The following SH3KBP1 variants were observed in gnomAD, a reference collection of about 807,000 sequenced individuals.
The protein encoded by SH3KBP1 is SH3 domain-containing kinase-binding protein 1.
A neutral mutation model predicts 50.1 loss-of-function variants in SH3KBP1; 8 were observed. The observed-to-expected ratio is 0.16, with a 90% CI of 0.09 to 0.29. SH3KBP1 has a LOEUF of 0.29. SH3KBP1 is among the 10% of genes least tolerant of loss of function. The pLI is 1.00. For synonymous variants in SH3KBP1, 227 were observed against 218.6 expected (o/e 1.04, Z -0.34); for missense variants, 377 against 535.2 (o/e 0.70, Z 2.92).
intron 2 of SH3KBP1, among the ~76,000 whole-genome samples, chrX:19,804,882 A>G (rs936776872): frequency 5.8e-5 from 1 of 17,380 alleles, no homozygotes; most frequent in African/African-American, 2.6e-4. Flanking sequence ...CCCAAACCCT[A>G]CCCCCCCCCC....
chrX:19,795,137 A>G (rs1031979157), intron 2 of SH3KBP1, among the ~76,000 whole-genome samples: 8 of 111,806 alleles, frequency 7.2e-5, no homozygotes, highest in Non-Finnish European at 1.5e-4. Context: ...CCCCATTATG[A>G]TGAATTACAT....
At chrX:19,590,809 A>ATTTT (rs34366083) in intron 11 of SH3KBP1, among the ~76,000 whole-genome samples, 14 of 23,764 alleles carry the variant, frequency 5.9e-4, no homozygotes, top group Non-Finnish European at 9.7e-4. Flanking sequence ...AGGCCTGGCT[A>ATTTT]TTTTTTTTTT....
At chrX:19,877,131 T>G (rs2069277941) in intron 1 of SH3KBP1, among the ~76,000 whole-genome samples, 1 of 112,327 alleles carries the variant, frequency 8.9e-6, no homozygotes, top group South Asian at 3.7e-4. Context: ...ACACCTCTCT[T>G]TGCCATCTAA....
chrX:19,835,042 A>C (rs1487167379), intron 2 of SH3KBP1, among the ~76,000 whole-genome samples: 1 of 110,284 alleles, frequency 9.1e-6, no homozygotes, highest in Non-Finnish European at 1.9e-5. Flanking sequence ...CTGTCTCAAA[A>C]AAAAAAAAAA....
rs768156438 is a variant in SH3KBP1 at position 19,700,073 on chromosome X, G to A, written c.391-4332C>T. Among the ~76,000 whole-genome samples the A allele has an allele frequency of 2.7e-5, 3 of 111,521 alleles. No individual in the cohort carries two copies. In the South Asian group the frequency reaches 1.1e-3, roughly 42 times the overall value. ...ACCCCAGTCAGAAGCACACTGGAGG[G>A]GTGGGTTTGAGGGAAGCCTGGGGTT... On this transcript the variant is annotated intron_variant, in intron 4 of 17. Transcript: ENST00000397821.
chrX:19,716,191 T>A (rs2063904231), intron 3 of SH3KBP1, among the ~76,000 whole-genome samples: 1 of 112,032 alleles, frequency 8.9e-6, no homozygotes, highest in Non-Finnish European at 1.9e-5. Flanking sequence ...CTGGAAACAT[T>A]TCCACTCGTC....
chrX:19,778,460 A>G (rs779821651), intron 2 of SH3KBP1, among the ~76,000 whole-genome samples: 1 of 108,585 alleles, frequency 9.2e-6, no homozygotes, highest in Admixed American at 9.9e-5. Context: ...AAAGAAAAAA[A>G]GGGGAAAATT....
chrX:19,589,762 T>C (rs1163924302), intron 11 of SH3KBP1, among the ~76,000 whole-genome samples: 1 of 109,456 alleles, frequency 9.1e-6, no homozygotes, highest in Non-Finnish European at 1.9e-5. Flanking sequence ...GGACACCTTC[T>C]ACTTGCAAAC....
At chrX:19,646,739 A>T (rs1341187238) in intron 6 of SH3KBP1, among the ~76,000 whole-genome samples, 1 of 112,957 alleles carries the variant, frequency 8.9e-6, no homozygotes, top group Non-Finnish European at 1.9e-5. Flanking sequence ...TCACAGAAAG[A>T]GGATAAGATA....
chrX:19,752,974 T>C (rs996049405), intron 2 of SH3KBP1, among the ~76,000 whole-genome samples: 22 of 111,763 alleles, frequency 2.0e-4, no homozygotes, highest in Non-Finnish European at 1.1e-4. Context: ...TGAATGGATC[T>C]GTTCCCAAGA....
chrX:19,856,616 G>A (rs913386612), intron 1 of SH3KBP1, among the ~76,000 whole-genome samples: 1 of 111,066 alleles, frequency 9.0e-6, no homozygotes, highest in East Asian at 2.8e-4. Context: ...AGCTGTAAAG[G>A]TCTCTTATGG....
chrX:19,692,624 CGT>C (rs534431997), intron 5 of SH3KBP1, among the ~76,000 whole-genome samples: 12,440 of 68,528 alleles, frequency 0.18, 925 homozygotes, highest in Middle Eastern at 0.31. Context: ...TATATACATA[CGT>C]GTGTGTGTGT....
chrX:19,849,518 G>A (rs1447000161), intron 1 of SH3KBP1, among the ~76,000 whole-genome samples: 1 of 109,121 alleles, frequency 9.2e-6, no homozygotes, highest in Non-Finnish European at 1.9e-5. Context: ...GTAAAACCCC[G>A]TCTCCGCAAA....
At chrX:19,859,239 C>G (rs975455390) in intron 1 of SH3KBP1, among the ~76,000 whole-genome samples, 5 of 110,544 alleles carry the variant, frequency 4.5e-5, no homozygotes, top group Admixed American at 2.9e-4. Flanking sequence ...ACCTCTGCCT[C>G]CTGGGTTCAA....
intron 6 of SH3KBP1, among the ~76,000 whole-genome samples, chrX:19,666,058 A>T (rs2062589383): frequency 9.1e-6 from 1 of 109,375 alleles, no homozygotes; most frequent in Non-Finnish European, 1.9e-5. Context: ...AAATACTTAG[A>T]CTTTAGTACA....
intron 2 of SH3KBP1, among the ~76,000 whole-genome samples, chrX:19,832,115 G>A (rs1454951028): frequency 8.9e-6 from 1 of 112,080 alleles, no homozygotes; most frequent in Non-Finnish European, 1.9e-5. Context: ...TACAAGTAGC[G>A]CAGCCCCAGC....
intron 2 of SH3KBP1, among the ~76,000 whole-genome samples, chrX:19,831,798 A>AAAAAAAAAAAAG (rs1385724267): frequency 2.8e-5 from 3 of 105,851 alleles, no homozygotes; most frequent in African/African-American, 1.1e-4. Flanking sequence ...TCCCAAAAAA[A>AAAAAAAAAAAAG]AAAAAAGAAA....
chrX:19,771,927 A>C (rs1233238303), intron 2 of SH3KBP1, among the ~76,000 whole-genome samples: 1 of 111,198 alleles, frequency 9.0e-6, no homozygotes, highest in South Asian at 3.7e-4. Context: ...ATTAAAACAA[A>C]AAAAAAAACT....
In SH3KBP1 at chrX:19,841,932, T is replaced by C. The variant is rs60736164; in HGVS notation, c.5-5650A>G. Among the ~76,000 whole-genome samples the C allele has an allele frequency of 9.3e-3, 956 of 103,038 alleles. 21 individuals carry two copies. Among genetic ancestry groups the C allele is most frequent in the African/African-American group, 0.032 (901 of 28,192 alleles). 89.5% of individuals were successfully genotyped at this position (103,038 alleles called of 115,157 possible). ...CGGGCGGGGGGGTGGGGGGGGGCTC[T>C]TTTTTTCTTTCATGTATAACATAGT... On this transcript the variant is annotated intron_variant, in intron 1 of 17. Transcript: ENST00000397821.
Sources: allele counts gnomAD v4.1 joint callset (sites outside exome capture counted in the v4.1 genomes callset), GRCh38; gene constraint gnomAD v4.1.1; transcripts MANE v1.5; gene names NCBI Gene and HGNC (gene_info 2026-07-23, HGNC 2026-07-21).